Variants in NRG3 observed in about 807,000 individuals in gnomAD.
NRG3 encodes the protein neuregulin 3.
In NRG3, 31 loss-of-function variants were observed where a neutral mutation model predicts 66.9. The ratio of observed to expected loss-of-function variants is 0.46; its 90% CI spans 0.35 to 0.63. The LOEUF (loss-of-function observed/expected upper bound fraction) is 0.63, where lower values mean the gene tolerates loss of function less well. NRG3 is among the 20% of genes least tolerant of loss of function. The pLI is 0.00. For missense variants in NRG3, 910 were observed against 878.9 expected, an observed-to-expected ratio of 1.04 and a Z score of -0.45; for synonymous variants, 393 against 359.4, an observed-to-expected ratio of 1.09 and a Z score of -1.06.
intron 2 of NRG3, among the ~76,000 whole-genome samples, chr10:82,425,984 T>G (rs1014883714): frequency 1.3e-5 from 2 of 152,172 alleles, no homozygotes; most frequent in Admixed American, 1.3e-4. Context: ...GTCCCTGAGA[T>G]GTGACCATCA....
intron 1 of NRG3, among the ~76,000 whole-genome samples, chr10:82,316,153 G>C (rs745741026): frequency 1.3e-5 from 2 of 151,994 alleles, no homozygotes; most frequent in Admixed American, 6.6e-5. Context: ...CTCAACCCCC[G>C]CGAAAAGAGT....
chr10:81,966,788 T>C (rs2059746404), intron 1 of NRG3, among the ~76,000 whole-genome samples: 2 of 152,208 alleles, frequency 1.3e-5, no homozygotes, highest in Admixed American at 1.3e-4. Flanking sequence ...GTTTTGGCCA[T>C]GTAGCTTTTC....
At chr10:82,155,626 G>T (rs900853066) in intron 1 of NRG3, among the ~76,000 whole-genome samples, 11 of 151,734 alleles carry the variant, frequency 7.2e-5, no homozygotes, top group African/African-American at 2.2e-4. Context: ...TATGATGGTA[G>T]AGTGAAGCAC....
chr10:82,511,410 A>C (rs765557285), intron 2 of NRG3, among the ~76,000 whole-genome samples: 1 of 152,168 alleles, frequency 6.6e-6, no homozygotes, highest in Non-Finnish European at 1.5e-5. Flanking sequence ...TATTCTCTGT[A>C]TGATGCACTT....
chr10:82,466,465 T>G (rs1235864772), intron 2 of NRG3, among the ~76,000 whole-genome samples: 1 of 152,212 alleles, frequency 6.6e-6, no homozygotes. Flanking sequence ...TGATTGCCAC[T>G]AGGGAGATAG....
chr10:82,543,172 G>A (rs903121320), intron 2 of NRG3, among the ~76,000 whole-genome samples: 7 of 152,154 alleles, frequency 4.6e-5, no homozygotes, highest in Admixed American at 1.3e-4. Flanking sequence ...GATTACAGGC[G>A]GGAGCCACCG....
intron 2 of NRG3, among the ~76,000 whole-genome samples, chr10:82,528,690 T>C (rs1846958078): frequency 6.6e-6 from 1 of 152,162 alleles, no homozygotes. Context: ...TGAGTAAAAA[T>C]ACATTTTCAT....
chr10:82,142,719 T>A (rs2069893147), intron 1 of NRG3, among the ~76,000 whole-genome samples: 1 of 151,316 alleles, frequency 6.6e-6, no homozygotes, highest in East Asian at 2.0e-4. Context: ...TATAAGAGGT[T>A]CTAGAGTCAG....
intron 4 of NRG3, among the ~76,000 whole-genome samples, chr10:82,880,209 A>C (rs994529409): frequency 1.3e-5 from 2 of 152,240 alleles, no homozygotes; most frequent in South Asian, 2.1e-4. Context: ...TGAAATCGCC[A>C]TAACCTGAGT....
At chr10:82,572,091 C>CA (rs1180205559) in intron 2 of NRG3, among the ~76,000 whole-genome samples, 1 of 151,626 alleles carries the variant, frequency 6.6e-6, no homozygotes, top group African/African-American at 2.4e-5. Flanking sequence ...CTATGCTTCA[C>CA]AAAAAATTTC....
At chr10:82,432,797 A>C (rs1336804116) in intron 2 of NRG3, among the ~76,000 whole-genome samples, 2 of 152,142 alleles carry the variant, frequency 1.3e-5, no homozygotes, top group Non-Finnish European at 2.9e-5. Flanking sequence ...ACATAATCTC[A>C]TTCCTTTTTA....
At chr10:82,520,804 C>A (rs889933504) in intron 2 of NRG3, among the ~76,000 whole-genome samples, 16 of 152,130 alleles carry the variant, frequency 1.1e-4, no homozygotes, top group East Asian at 3.9e-4. Context: ...CTAATTAATT[C>A]TTTCCCTGTC....
intron 1 of NRG3, among the ~76,000 whole-genome samples, chr10:81,968,070 C>T (rs965835782): frequency 2.0e-5 from 3 of 152,194 alleles, no homozygotes; most frequent in South Asian, 2.1e-4. Flanking sequence ...GTAGTTTTCT[C>T]ATTTTGATTA....
intron 2 of NRG3, among the ~76,000 whole-genome samples, chr10:82,372,831 G>C (rs934210881): frequency 5.3e-5 from 8 of 152,220 alleles, no homozygotes; most frequent in Admixed American, 4.6e-4. Context: ...AGGCCTCAAG[G>C]GATCCACTCA....
intron 1 of NRG3, among the ~76,000 whole-genome samples, chr10:81,945,887 A>G: frequency 6.6e-6 from 1 of 152,136 alleles, no homozygotes; most frequent in Non-Finnish European, 1.5e-5. Flanking sequence ...CAGAAATGAG[A>G]TTGATGTATC....
chr10:82,403,966 TA>T (rs2087306219), intron 2 of NRG3, among the ~76,000 whole-genome samples: 1 of 152,154 alleles, frequency 6.6e-6, no homozygotes. Context: ...TGCCCTGAAT[TA>T]TTTATGGAAT....
intron 3 of NRG3, among the ~76,000 whole-genome samples, chr10:82,764,320 C>T (rs2135103167): frequency 6.6e-6 from 1 of 152,054 alleles, no homozygotes; most frequent in African/African-American, 2.4e-5. Context: ...CAGGTGTGAG[C>T]CACCAGACCC....
intron 2 of NRG3, among the ~76,000 whole-genome samples, chr10:82,413,295 A>G (rs1233151425): frequency 6.6e-6 from 1 of 152,162 alleles, no homozygotes; most frequent in African/African-American, 2.4e-5. Flanking sequence ...ATCAACATTA[A>G]TCTTGGAGCT....
At chr10:81,884,368 T>G (rs1315092189) in intron 1 of NRG3, among the ~76,000 whole-genome samples, 1 of 152,160 alleles carries the variant, frequency 6.6e-6, no homozygotes, top group African/African-American at 2.4e-5. Context: ...TAAGGAGAAA[T>G]TCAGATGTTT....
Sources: gnomAD v4.1 joint callset for allele counts (sites outside exome capture counted in the v4.1 genomes callset) on GRCh38, gnomAD v4.1.1 for gene constraint, MANE v1.5 for transcripts, NCBI Gene and HGNC (gene_info 2026-07-23, HGNC 2026-07-21) for gene names.